Variants in XKR6 observed in about 807,000 individuals in gnomAD.
The protein encoded by XKR6 is XK-related protein 6.
Under a neutral mutation model 56.7 loss-of-function variants are expected in XKR6, and 22 were observed. The ratio of observed to expected loss-of-function variants is 0.39; its 90% CI spans 0.28 to 0.55. The LOEUF (loss-of-function observed/expected upper bound fraction) is 0.55. XKR6 is among the 20% of genes least tolerant of loss of function. XKR6 has a pLI of 0.66. For synonymous variants in XKR6, 524 were observed against 387.8 expected (o/e 1.35, Z -4.13); for missense variants, 852 against 889.0 (o/e 0.96, Z 0.53).
At chr8:10,999,284 A>G (rs1475852670) in intron 1 of XKR6, among the ~76,000 whole-genome samples, 1 of 152,244 alleles carries the variant, frequency 6.6e-6, no homozygotes, top group African/African-American at 2.4e-5. Context: ...CACCTCTTGC[A>G]TGAAAATACT....
intron 2 of XKR6, among the ~76,000 whole-genome samples, chr8:10,908,448 A>G (rs946094932): frequency 1.3e-5 from 2 of 151,740 alleles, no homozygotes; most frequent in Admixed American, 6.6e-5. Context: ...TCTGCCTCCA[A>G]TGGGTGAGCT....
chr8:11,093,246 G>T (rs1329337401), intron 1 of XKR6, among the ~76,000 whole-genome samples: 4 of 152,002 alleles, frequency 2.6e-5, no homozygotes, highest in African/African-American at 4.8e-5. Context: ...GTAGAGACAG[G>T]CTTTCACCAT....
intron 1 of XKR6, among the ~76,000 whole-genome samples, chr8:11,154,049 C>T (rs561376802): frequency 6.6e-6 from 1 of 152,280 alleles, no homozygotes; most frequent in Admixed American, 6.5e-5. Context: ...CTGGCCTTGC[C>T]GAGAAGAGAC....
At chr8:11,068,257 C>T (rs1800030924) in intron 1 of XKR6, among the ~76,000 whole-genome samples, 1 of 152,152 alleles carries the variant, frequency 6.6e-6, no homozygotes. Context: ...TTGGTGACCA[C>T]CTCCTCTAGA....
At chr8:10,994,152 A>G (rs1045946573) in intron 1 of XKR6, among the ~76,000 whole-genome samples, 2 of 152,184 alleles carry the variant, frequency 1.3e-5, no homozygotes, top group Non-Finnish European at 2.9e-5. Flanking sequence ...CCACCATGCA[A>G]TTGGGTTTCC....
chr8:10,914,288 T>C (rs1197481646), intron 2 of XKR6, among the ~76,000 whole-genome samples: 2 of 152,152 alleles, frequency 1.3e-5, no homozygotes, highest in Non-Finnish European at 2.9e-5. Flanking sequence ...TCGGAGCCTC[T>C]TCCTGAGTAT....
chr8:11,037,295 G>A (rs557550634), intron 1 of XKR6, among the ~76,000 whole-genome samples: 111 of 152,134 alleles, frequency 7.3e-4, no homozygotes, highest in African/African-American at 2.6e-3. Flanking sequence ...GTACAATCTC[G>A]GCTCACTGCA....
intron 2 of XKR6, among the ~76,000 whole-genome samples, chr8:10,903,315 G>C (rs1800095414): frequency 6.6e-6 from 1 of 152,284 alleles, no homozygotes; most frequent in Admixed American, 6.5e-5. Context: ...AGGGTGCCTT[G>C]AGGACAGCCT....
rs1480176983 is a variant in XKR6, at chr8:11,200,338, G to A, written c.764+238C>T. Among the ~76,000 whole-genome samples the A allele has an allele frequency of 6.6e-6, 1 of 152,240 alleles. No individual in the cohort carries two copies. The highest frequency in any genetic ancestry group is 1.5e-5 in the Non-Finnish European group (1 of 68,032). On this transcript the variant is annotated intron_variant, in intron 1 of 2. Coordinates refer to ENST00000416569, the MANE Select transcript of XKR6 (RefSeq NM_173683.4). This position sits in a 1 kb window ranked among gnomAD's most constrained non-coding sequence, Gnocchi z 6.4. ...GGCAGGTTGGGGCAAGAGCCCCGCC[G>A]AGTGCGAAGCGGGGACGAGGACGGG... is the stretch of plus-strand genomic sequence containing the variant.
intron 1 of XKR6, among the ~76,000 whole-genome samples, chr8:11,035,639 G>A (rs1311834428): frequency 2.0e-5 from 3 of 152,198 alleles, no homozygotes; most frequent in Non-Finnish European, 4.4e-5. Context: ...TGTTTTGCAT[G>A]AATAAGCATT....
intron 1 of XKR6, among the ~76,000 whole-genome samples, chr8:11,195,403 C>T (rs530083860): frequency 6.6e-6 from 1 of 152,214 alleles, no homozygotes; most frequent in South Asian, 2.1e-4. Context: ...ATTAGCAATG[C>T]CACCTTTACT....
chr8:10,983,704 G>A (rs908316920), intron 1 of XKR6, among the ~76,000 whole-genome samples: 4 of 150,922 alleles, frequency 2.7e-5, no homozygotes, highest in Non-Finnish European at 4.4e-5. Context: ...CACCCAGGCT[G>A]GAGTGCAGTG....
intron 1 of XKR6, among the ~76,000 whole-genome samples, chr8:11,098,695 AATTT>A (rs1396447345): frequency 6.6e-6 from 1 of 152,200 alleles, no homozygotes; most frequent in Non-Finnish European, 1.5e-5. Flanking sequence ...ATTTTTGAAT[AATTT>A]ATTTATTGCT....
chr8:11,055,666 T>C (rs1159671837), intron 1 of XKR6, among the ~76,000 whole-genome samples: 1 of 152,218 alleles, frequency 6.6e-6, no homozygotes, highest in African/African-American at 2.4e-5. Context: ...GGTGACTGCA[T>C]GGACGGGGGC....
intron 2 of XKR6, among the ~76,000 whole-genome samples, chr8:10,912,028 G>A (rs1800391761): frequency 6.7e-6 from 1 of 149,968 alleles, no homozygotes; most frequent in South Asian, 2.1e-4. Context: ...AAGAGAGGGT[G>A]AGTATATATA....
intron 1 of XKR6, among the ~76,000 whole-genome samples, chr8:11,088,608 G>T (rs1797969400): frequency 6.6e-6 from 1 of 152,210 alleles, no homozygotes; most frequent in Non-Finnish European, 1.5e-5. Context: ...AAGAGGGAGT[G>T]CATGGTACTC....
At chr8:11,103,354 A>T (rs927775851) in intron 1 of XKR6, among the ~76,000 whole-genome samples, 1 of 152,286 alleles carries the variant, frequency 6.6e-6, no homozygotes, top group African/African-American at 2.4e-5. Flanking sequence ...CAGGAGTTCA[A>T]TCAAGCCACC....
intron 1 of XKR6, among the ~76,000 whole-genome samples, chr8:11,068,427 T>C (rs1800035369): frequency 6.6e-6 from 1 of 152,202 alleles, no homozygotes; most frequent in Non-Finnish European, 1.5e-5. Flanking sequence ...CTGACACAGA[T>C]GTTTGGGACC....
At chr8:11,061,763 T>G (rs910786149) in intron 1 of XKR6, among the ~76,000 whole-genome samples, 1 of 152,058 alleles carries the variant, frequency 6.6e-6, no homozygotes, top group African/African-American at 2.4e-5. Context: ...TTAAACCCAC[T>G]TGGCCCAAAG....
Sources: gnomAD v4.1 joint callset for allele counts (sites outside exome capture counted in the v4.1 genomes callset) on GRCh38, gnomAD v4.1.1 for gene constraint, Gnocchi (gnomAD v3.1) non-coding constraint, MANE v1.5 for transcripts, NCBI Gene and HGNC (gene_info 2026-07-23, HGNC 2026-07-21) for gene names.